DHX38: variants seen among roughly 807,000 people sequenced by gnomAD.
The protein encoded by DHX38 is pre-mRNA-splicing factor ATP-dependent RNA helicase PRP16.
A neutral mutation model predicts 153.1 loss-of-function variants in DHX38; 100 were observed. That is an observed-to-expected ratio of 0.65 (90% CI 0.56 to 0.77). The LOEUF is 0.77. DHX38 is among the 30% of genes least tolerant of loss of function. DHX38 has a pLI of 0.00. For missense variants in DHX38, 1,440 were observed against 1,654.0 expected (o/e 0.87, Z 2.24); for synonymous variants, 650 against 631.7 (o/e 1.03, Z -0.43).
chr16:72,107,195 T>A lies in DHX38; in HGVS notation c.2601-145T>A, dbSNP rs2042190117. 2 of 820,874 alleles carry A rather than the reference T, an allele frequency of 2.4e-6. No individual in the cohort carries two copies. Among genetic ancestry groups the A allele is most frequent in the Non-Finnish European group, 3.7e-6 (2 of 541,008 alleles). The allele number at this position is 820,874 out of a possible 1,614,324, so 50.8% of individuals were successfully genotyped here. ...GAAGGGCTAAATTGGCAGATTGGAG[T>A]TTTGAATAGGTGGAAGTCAGTGATT... On this transcript the variant is annotated intron_variant, in intron 19 of 26. Coordinates refer to ENST00000268482, the MANE Select transcript of DHX38 (RefSeq NM_014003.4). This position sits in a 1 kb window ranked among gnomAD's most constrained non-coding sequence, Gnocchi z 5.3.
In DHX38 at chr16:72,104,964, C is replaced by T. The variant is rs2042153243; in HGVS notation, c.2152-63C>T. ...AGCAGTGCCTGGGCCACTGGGCTCC[C>T]AGGAGATGCCCGGCCTGCGCTTCTA... On this transcript the variant is annotated intron_variant, in intron 15 of 26. Transcript: ENST00000268482. The surrounding 1 kb of genome is among the most constrained non-coding windows in gnomAD (Gnocchi z 4.5). 3 of 1,514,278 alleles carry T rather than the reference C, an allele frequency of 2.0e-6. No homozygotes were observed. The highest frequency in any genetic ancestry group is 9.0e-7 in the Non-Finnish European group (1 of 1,110,082). The allele number at this position is 1,514,278 out of a possible 1,614,324, so 93.8% of individuals were successfully genotyped here.
In DHX38 at chr16:72,105,110, C is replaced by T. The variant is rs2042155802; in HGVS notation, c.2235C>T (p.Ile745=). ...CGGGGGCCCCTGGAGACATCCTTAT[C>T]TTCATGCCTGGCCAAGAGGACATTG... ...HLSGAPGDIL[I]FMPGQEDIEV... Residue 745 remains isoleucine (I), a synonymous_variant, in exon 16 of 27, where the codon ATC becomes ATT. Transcript: ENST00000268482. 5 of 1,614,252 alleles carry T rather than the reference C, an allele frequency of 3.1e-6. No individual in the cohort carries two copies. In the East Asian group the frequency reaches 6.7e-5, roughly 22 times the overall value.
At chr16:72,100,387 C>T (rs758796658) in intron 8 of DHX38, 49 bp from the exon 9 acceptor site, 33 of 1,590,110 alleles carry the variant, frequency 2.1e-5, no homozygotes, top group Non-Finnish European at 2.3e-5. Flanking sequence ...CCTTTCAGGA[C>T]GACCTTTGGG....
intron 13 of DHX38, 63 bp from the exon 14 acceptor site, chr16:72,103,883 G>A (rs977467604): frequency 3.5e-5 from 56 of 1,605,724 alleles, no homozygotes; most frequent in Middle Eastern, 1.7e-4. Flanking sequence ...TCGGACCCCA[G>A]TACGGGGTGT....
chr16:72,101,291 GT>G, intron 10 of DHX38, 98 bp downstream of exon 10: 1 of 1,377,038 alleles, frequency 7.3e-7, no homozygotes, highest in Non-Finnish European at 1.0e-6. Context: ...GAAGTTAGGA[GT>G]CCCCTCTATC....
chr16:72,097,088 T>G, intron 3 of DHX38, 79 bp downstream of exon 3: 1 of 1,473,502 alleles, frequency 6.8e-7, no homozygotes, highest in Non-Finnish European at 9.2e-7. Context: ...GCAGGAGTTT[T>G]TGCAACACCC....
chr16:72,105,663 C>A (rs932278126), intron 18 of DHX38, 39 bp downstream of exon 18: 2 of 1,602,846 alleles, frequency 1.2e-6, no homozygotes, highest in African/African-American at 1.3e-5. Context: ...GGGTGTTCAC[C>A]AGAAGCTAAC....
intron 11 of DHX38, 81 bp from the exon 12 acceptor site, chr16:72,102,993 G>A (rs1211267251): frequency 5.1e-6 from 8 of 1,563,410 alleles, no homozygotes; most frequent in South Asian, 2.3e-5. Flanking sequence ...ATTCCTGAGC[G>A]TAGGAAGGAG....
Position 72,106,056 on chromosome 16 carries a change from C to G in DHX38, c.2539C>G (p.Gln847Glu). The G allele has an allele frequency of 5.0e-6, 8 of 1,614,224 alleles. No homozygotes were observed. Among genetic ancestry groups the G allele is most frequent in the Non-Finnish European group, 6.8e-6 (8 of 1,180,040 alleles). ...TGCTCTGCAGATCTATCCCATTAGC[C>G]AGGCCAATGCCAACCAGCGGTCAGG... ...MDALQIYPIS[Q>E]ANANQRSGRA... The change falls in exon 19 of 27, where the codon CAG (glutamine) becomes GAG (glutamate). Residue 847 changes from glutamine to glutamate, a missense_variant. This residue lies in a region of DHX38 where 543 missense variants were observed against 717.9 expected (regional missense o/e 0.76). Transcript: ENST00000268482.
Position 72,109,432 on chromosome 16 carries a change from G to A in DHX38, c.3399G>A (p.Val1133=). 2 of 1,613,320 alleles carry A rather than the reference G, an allele frequency of 1.2e-6. No homozygotes were observed. The highest frequency in any genetic ancestry group is 1.7e-6 in the Non-Finnish European group (2 of 1,179,784). ...VMTTKEYMQC[V]TAVDGEWLAE... ...GCCCGCAGGAGTATATGCAGTGTGT[G>A]ACCGCTGTGGACGGGGAGTGGCTGG... Residue 1133 remains valine (V), a synonymous_variant, in exon 25 of 27, where the codon GTG becomes GTA. Coordinates refer to ENST00000268482, the MANE Select transcript of DHX38 (RefSeq NM_014003.4).
chr16:72,108,448 C>A, intron 22 of DHX38, 25 bp from the exon 23 acceptor site: 1 of 1,613,868 alleles, frequency 6.2e-7, no homozygotes, highest in Non-Finnish European at 8.5e-7. Context: ...GGGCTCCCTC[C>A]TGGTGCCTCC....
rs750569490 is a variant in DHX38 at position 72,103,172 on chromosome 16, C to T, written c.1598C>T (p.Pro533Leu). Residue 533 changes from proline (P) to leucine (L), a missense_variant, in exon 12 of 27, where the codon CCC becomes CTC. This residue lies in a region of DHX38 where 241 missense variants were observed against 229.5 expected (regional missense o/e 1.05). Coordinates refer to ENST00000268482, the MANE Select transcript of DHX38 (RefSeq NM_014003.4). The stretch of plus-strand genomic sequence containing the variant: ...ATCCTGGAGCAGAGGCAGTACCTGC[C>T]CATCTTTGCAGTGCAGCAGGAGCTG... Reference protein sequence around the residue: ...KSILEQRQYLPIFAVQQELLT... With the variant: ...KSILEQRQYLLIFAVQQELLT... The T allele has an allele frequency of 6.2e-7, 1 of 1,614,150 alleles. No homozygotes were observed.
rs925621061 is a variant in DHX38 at position 72,112,713 on chromosome 16, T to C, written c.*216T>C. 2.8e-6 allele frequency: 2 copies of C among 709,272 alleles called. No individual in the cohort carries two copies. The highest frequency in any genetic ancestry group is 4.0e-5 in the Admixed American group (2 of 49,974). 43.9% of individuals were successfully genotyped at this position (709,272 alleles called of 1,614,324 possible). Reference sequence around the variant, plus strand: ...GCATGGCGGGAGCGGGGCTGCAGAGTATCCGAGGTGCTGCCGGGGCAGCGG... The same window carrying C: ...GCATGGCGGGAGCGGGGCTGCAGAGCATCCGAGGTGCTGCCGGGGCAGCGG... On this transcript the variant is annotated 3_prime_UTR_variant, in exon 27 of 27. Transcript: ENST00000268482.
chr16:72,099,934 A>G (rs1161584988), intron 8 of DHX38, 47 bp downstream of exon 8: 3 of 1,558,866 alleles, frequency 1.9e-6, no homozygotes. Flanking sequence ...CTGGAGGTAG[A>G]GCACGTGGGG....
chr16:72,109,727 T>G, intron 25 of DHX38: 1 of 416,958 alleles, frequency 2.4e-6, no homozygotes. Context: ...AACTCATTAT[T>G]GAAAAGTCCA....
At chr16:72,105,939 G>C in intron 18 of DHX38, 66 bp from the exon 19 acceptor site, 7 of 1,485,182 alleles carry the variant, frequency 4.7e-6, no homozygotes, top group Non-Finnish European at 6.6e-6. Context: ...GCTTGCCTTT[G>C]TCTCAGGCCT....
Position 72,100,455 on chromosome 16 carries a change from C to T in DHX38, c.1136C>T (p.Thr379Ile). Residue 379 changes from threonine to isoleucine, a missense_variant, in exon 9 of 27, where the codon ACA becomes ATA. Physicochemically the swap from Thr to Ile is moderately conservative, Grantham distance 89 (BLOSUM62 -1). Around this residue, in one of 6 missense-constraint regions of DHX38, gnomAD observed 77 missense variants for 125.4 expected, o/e 0.61. Coordinates refer to ENST00000268482, the MANE Select transcript of DHX38 (RefSeq NM_014003.4). Reference protein sequence around the residue: ...QINEDNERWETNRMLTSGVVH... With the variant: ...QINEDNERWEINRMLTSGVVH... Reference sequence around the variant, plus strand: ...TCACAGGATAACGAGCGCTGGGAGACAAACCGCATGCTCACCAGTGGGGTG... The same window carrying T: ...TCACAGGATAACGAGCGCTGGGAGATAAACCGCATGCTCACCAGTGGGGTG... The T allele has an allele frequency of 6.2e-7, 1 of 1,614,110 alleles. No individual in the cohort carries two copies. Among genetic ancestry groups the T allele is most frequent in the Non-Finnish European group, 8.5e-7 (1 of 1,179,966 alleles).
In DHX38 at chr16:72,107,737, A is replaced by C; in HGVS notation, c.2902A>C (p.Ser968Arg). ...CATCGTGTCCTGTGACATGGGCTGCAGCTCCGAGATCCTGCTCATCGTTTC... is the reference window on the plus strand; with the variant it reads ...CATCGTGTCCTGTGACATGGGCTGCCGCTCCGAGATCCTGCTCATCGTTTC... ...MLIVSCDMGCSSEILLIVSML... is the reference protein window; with the variant it reads ...MLIVSCDMGCRSEILLIVSML... Residue 968 changes from serine (S) to arginine (R), a missense_variant, in exon 21 of 27, where the codon AGC becomes CGC. Physicochemically the swap from Ser to Arg is moderately radical, Grantham distance 110. This residue lies in a region of DHX38 where 543 missense variants were observed against 717.9 expected (regional missense o/e 0.76). Coordinates refer to ENST00000268482, the MANE Select transcript of DHX38 (RefSeq NM_014003.4). The surrounding 1 kb of genome is among the most constrained non-coding windows in gnomAD (Gnocchi z 5.3). 1 of 1,614,004 alleles carries C rather than the reference A, an allele frequency of 6.2e-7. No homozygotes were observed. The highest frequency in any genetic ancestry group is 8.5e-7 in the Non-Finnish European group (1 of 1,180,008).
chr16:72,112,480 G>T lies in DHX38; in HGVS notation c.3667G>T (p.Ala1223Ser), dbSNP rs1462749544. 2 of 1,612,166 alleles carry T rather than the reference G, an allele frequency of 1.2e-6. No homozygotes were observed. Among genetic ancestry groups the T allele is most frequent in the African/African-American group, 1.3e-5 (1 of 75,060 alleles). The change falls in exon 27 of 27, where the codon GCC becomes TCC. Residue 1223 changes from alanine to serine, a missense_variant. Physicochemically the swap from Ala to Ser is moderately conservative, Grantham distance 99. Transcript: ENST00000268482. ...GEPMTPRRTPARFGL is the reference protein window; with the variant it reads ...GEPMTPRRTPSRFGL ...GCCCATGACCCCTCGCCGCACGCCA[G>T]CCCGCTTTGGTCTGTGAGCTGAGGC...
Sources: gnomAD v4.1 joint callset for allele counts on GRCh38, gnomAD v4.1.1 for gene constraint, gnomAD v4.1.1 regional missense constraint, Gnocchi (gnomAD v3.1) non-coding constraint, MANE v1.5 for transcripts, NCBI Gene and HGNC (gene_info 2026-07-23, HGNC 2026-07-21) for gene names.